ALDH9A1: variants seen among roughly 807,000 people sequenced by gnomAD.
ALDH9A1 encodes the protein 4-trimethylaminobutyraldehyde dehydrogenase.
A neutral mutation model predicts 56.6 loss-of-function variants in ALDH9A1; 42 were observed. The ratio of observed to expected loss-of-function variants is 0.74; its 90% CI spans 0.58 to 0.96. The LOEUF (loss-of-function observed/expected upper bound fraction) is 0.96, where lower values mean the gene tolerates loss of function less well. ALDH9A1 is among the 40% of genes least tolerant of loss of function. The pLI is 0.00. For missense variants in ALDH9A1, 661 were observed against 651.5 expected (o/e 1.01, Z -0.16); for synonymous variants, 242 against 236.0 (o/e 1.03, Z -0.23).
At chr1:165,687,504 A>G (rs1454168974) in intron 2 of ALDH9A1, among the ~76,000 whole-genome samples, 1 of 152,234 alleles carries the variant, frequency 6.6e-6, no homozygotes, top group Non-Finnish European at 1.5e-5. Flanking sequence ...TTACATACAA[A>G]GATACAAAAA....
At chr1:165,677,950 A>G (rs1649419664) in intron 6 of ALDH9A1, among the ~76,000 whole-genome samples, 1 of 151,708 alleles carries the variant, frequency 6.6e-6, no homozygotes, top group Non-Finnish European at 1.5e-5. Context: ...AATCACTTGA[A>G]CCCGAACCCA....
intron 10 of ALDH9A1, 58 bp downstream of exon 10, chr1:165,664,960 C>A (rs551187754): frequency 1.5e-6 from 2 of 1,350,240 alleles, no homozygotes; most frequent in South Asian, 2.3e-5. Context: ...TTTATAAGGT[C>A]TGAATTACGA....
At chr1:165,674,685 CAAAAAAA>C (rs36011778) in intron 6 of ALDH9A1, among the ~76,000 whole-genome samples, 1 of 115,556 alleles carries the variant, frequency 8.7e-6, no homozygotes, top group African/African-American at 3.4e-5. Flanking sequence ...GACTCCGAAT[CAAAAAAA>C]AAAAAAAAAA....
intron 3 of ALDH9A1, among the ~76,000 whole-genome samples, chr1:165,682,563 C>G (rs1649585539): frequency 6.6e-6 from 1 of 152,180 alleles, no homozygotes; most frequent in Admixed American, 6.5e-5. Context: ...CACTCAACAG[C>G]AGGGGAAGCA....
intron 6 of ALDH9A1, among the ~76,000 whole-genome samples, chr1:165,675,984 T>C (rs1383862027): frequency 1.3e-5 from 2 of 152,204 alleles, no homozygotes; most frequent in Non-Finnish European, 2.9e-5. Flanking sequence ...TTGTGGATAA[T>C]GGGAGTCAAA....
intron 4 of ALDH9A1, 52 bp downstream of exon 4, chr1:165,682,055 G>A (rs369832872): frequency 2.3e-5 from 37 of 1,602,130 alleles, no homozygotes; most frequent in Admixed American, 1.3e-4. Flanking sequence ...GGGAGAGAAC[G>A]AACGAGAGAA....
intron 2 of ALDH9A1, among the ~76,000 whole-genome samples, chr1:165,692,800 C>T (rs1278390153): frequency 4.0e-5 from 6 of 151,872 alleles, no homozygotes; most frequent in African/African-American, 7.3e-5. Flanking sequence ...CATCATGCTA[C>T]CTGACTTCAA....
chr1:165,694,722 C>T (rs897260798), intron 2 of ALDH9A1, among the ~76,000 whole-genome samples: 1 of 151,962 alleles, frequency 6.6e-6, no homozygotes, highest in African/African-American at 2.4e-5. Context: ...TTTGTGAGGC[C>T]GATGTGGGTG....
chr1:165,680,799 A>C, intron 4 of ALDH9A1, 116 bp from the exon 5 acceptor site: 2 of 953,356 alleles, frequency 2.1e-6, no homozygotes, highest in Non-Finnish European at 3.1e-6. Context: ...CCCCAACCAA[A>C]TCCTACATCA....
intron 2 of ALDH9A1, among the ~76,000 whole-genome samples, chr1:165,688,679 G>C (rs1257627710): frequency 6.6e-6 from 1 of 152,164 alleles, no homozygotes; most frequent in African/African-American, 2.4e-5. Context: ...CTGCACTCCA[G>C]CCTGGGTGAC....
In ALDH9A1 at chr1:165,679,565, A is replaced by C; in HGVS notation, c.807T>G (p.Ala269=). ...PTGMKIMEMS[A]KGIKPVTLEL... is the part of the protein sequence containing the mutation. ...CCAAGGTAACAGGTTTGATTCCTTT[A>C]GCTGACATCTCCATGATCTTGCAGA... The change falls in exon 6 of 11, where the codon GCT becomes GCG. Residue 269 remains alanine (A), a synonymous_variant. Coordinates refer to ENST00000354775, the MANE Select transcript of ALDH9A1 (RefSeq NM_000696.4). 1 of 1,614,200 alleles carries C rather than the reference A, an allele frequency of 6.2e-7. No homozygotes were observed. Among genetic ancestry groups the C allele is most frequent in the Non-Finnish European group, 8.5e-7 (1 of 1,180,030 alleles).
Position 165,682,162 on chromosome 1 carries a change from T to C in ALDH9A1, c.537A>G (p.Ala179=), listed in dbSNP as rs1433021574. 3.1e-6 allele frequency: 5 copies of C among 1,614,110 alleles called. No individual in the cohort carries two copies. Among genetic ancestry groups the C allele is most frequent in the African/African-American group, 2.7e-5 (2 of 75,046 alleles). ...EPLGVCVGIG[A]WNYPFQIASW... is the part of the protein sequence containing the mutation. ...AGGCAATCTGAAAGGGGTAGTTCCATGCTCCTATTCCCACACATACCCCAA... is the reference window on the plus strand; with the variant it reads ...AGGCAATCTGAAAGGGGTAGTTCCACGCTCCTATTCCCACACATACCCCAA... Residue 179 remains alanine (A), a synonymous_variant, in exon 4 of 11, where the codon GCA becomes GCG. Coordinates refer to ENST00000354775, the MANE Select transcript of ALDH9A1 (RefSeq NM_000696.4).
chr1:165,685,953 C>T (rs1649695804), intron 2 of ALDH9A1, among the ~76,000 whole-genome samples: 1 of 152,108 alleles, frequency 6.6e-6, no homozygotes, highest in Non-Finnish European at 1.5e-5. Flanking sequence ...AGCTACTTCA[C>T]AAGGGGTCTC....
intron 2 of ALDH9A1, among the ~76,000 whole-genome samples, chr1:165,687,142 G>T (rs10753687): frequency 9.2e-5 from 14 of 151,840 alleles, no homozygotes; most frequent in Admixed American, 3.9e-4. Context: ...ACACACACAG[G>T]GGGTGGGAGG....
At position 165,662,973 on chromosome 1, in the gene ALDH9A1, T is replaced by G. The variant is rs1648890131; in HGVS notation, c.*77A>C. 3 of 1,271,922 alleles carry G rather than the reference T, an allele frequency of 2.4e-6. No homozygotes were observed. The highest frequency in any genetic ancestry group is 3.4e-6 in the Non-Finnish European group (3 of 869,724). The allele number at this position is 1,271,922 out of a possible 1,614,324, so 78.8% of individuals were successfully genotyped here. The stretch of plus-strand genomic sequence containing the variant: ...ATTCTGGATGTAAAATAACATTCAG[T>G]TGTACTGCCTCTGTAAACAGGGCCA... On this transcript the variant is annotated 3_prime_UTR_variant, in exon 11 of 11. Transcript: ENST00000354775.
At chr1:165,679,705 C>T in intron 5 of ALDH9A1, 123 bp from the exon 6 acceptor site, 1 of 1,029,046 alleles carries the variant, frequency 9.7e-7, no homozygotes. Flanking sequence ...TTATTCTTGT[C>T]AATATCCTTT....
At chr1:165,663,176 A>G (rs991486604) in intron 10 of ALDH9A1, 32 bp from the exon 11 acceptor site, 1 of 1,546,802 alleles carries the variant, frequency 6.5e-7, no homozygotes, top group Non-Finnish European at 8.9e-7. Flanking sequence ...AGGTTGAGCC[A>G]TCACTACAAT....
chr1:165,672,889 A>G (rs1649224399), intron 6 of ALDH9A1, among the ~76,000 whole-genome samples: 3 of 151,652 alleles, frequency 2.0e-5, no homozygotes, highest in Admixed American at 2.0e-4. Context: ...GTGAGCTGGG[A>G]TGATGTCACT....
chr1:165,668,607 G>GA (rs1406984820), intron 8 of ALDH9A1: 2 of 206,166 alleles, frequency 9.7e-6, no homozygotes, highest in Non-Finnish European at 1.9e-5. Context: ...CAGGTCACAT[G>GA]AAAAACATTC....
Sources: allele counts gnomAD v4.1 joint callset (sites outside exome capture counted in the v4.1 genomes callset), GRCh38; gene constraint gnomAD v4.1.1; transcripts MANE v1.5; gene names NCBI Gene and HGNC (gene_info 2026-07-23, HGNC 2026-07-21).